PDE3B: variants seen among roughly 807,000 people sequenced by gnomAD.
The protein encoded by PDE3B is phosphodiesterase 3B, also known as cGMP-inhibited 3',5'-cyclic phosphodiesterase 3B.
Under a neutral mutation model 116.8 loss-of-function variants are expected in PDE3B, and 66 were observed. The observed-to-expected ratio is 0.56, with a 90% CI of 0.46 to 0.69. The LOEUF (loss-of-function observed/expected upper bound fraction) is 0.69. Among genes scored for constraint, PDE3B ranks in the 30% least tolerant of loss-of-function variants. The probability of loss-of-function intolerance (pLI) is 0.00; values close to 1 mark genes in which losing one functional copy is unlikely to be tolerated. For synonymous variants in PDE3B, 595 were observed against 533.6 expected, an observed-to-expected ratio of 1.12 and a Z score of -1.59; for missense variants, 1,384 against 1,368.1, an observed-to-expected ratio of 1.01 and a Z score of -0.18.
At chr11:14,782,422 A>G (rs1310722350) in intron 2 of PDE3B, among the ~76,000 whole-genome samples, 1 of 152,178 alleles carries the variant, frequency 6.6e-6, no homozygotes, top group Non-Finnish European at 1.5e-5. Context: ...ATATAGACCA[A>G]TGGAACAGAA....
intron 12 of PDE3B, among the ~76,000 whole-genome samples, chr11:14,855,779 A>G (rs1017452414): frequency 1.3e-5 from 2 of 152,214 alleles, no homozygotes; most frequent in Non-Finnish European, 2.9e-5. Flanking sequence ...AAGTGCTGGC[A>G]TAAGAGTATT....
chr11:14,670,063 T>G (rs1854319004), intron 1 of PDE3B, among the ~76,000 whole-genome samples: 4 of 152,166 alleles, frequency 2.6e-5, no homozygotes, highest in Admixed American at 2.6e-4. Context: ...GTTTTGTGCC[T>G]TAGCATAGTT....
At chr11:14,678,284 A>T (rs1304240764) in intron 1 of PDE3B, among the ~76,000 whole-genome samples, 2 of 152,068 alleles carry the variant, frequency 1.3e-5, no homozygotes, top group Admixed American at 6.6e-5. Context: ...GTTGATTAGG[A>T]ATAGAACTGC....
At chr11:14,826,499 A>G (rs989926482) in intron 7 of PDE3B, among the ~76,000 whole-genome samples, 5 of 152,170 alleles carry the variant, frequency 3.3e-5, no homozygotes, top group African/African-American at 1.2e-4. Flanking sequence ...CTCTTTACAC[A>G]CAAACTAGAA....
chr11:14,644,034 A>T lies in PDE3B; in HGVS notation c.-42A>T, dbSNP rs1174987638. On this transcript the variant is annotated 5_prime_UTR_variant, in exon 1 of 16. Transcript: ENST00000282096. The stretch of plus-strand genomic sequence containing the variant: ...GAGCGCGAGCGGCCGCTACGGTACG[A>T]GCGGGGTGTGCTGAGTCCCGTGGCC... 1 of 1,418,164 alleles carries T rather than the reference A, an allele frequency of 7.1e-7. No individual in the cohort carries two copies. Among genetic ancestry groups the T allele is most frequent in the Admixed American group, 3.2e-5 (1 of 30,970 alleles). The allele number at this position is 1,418,164 out of a possible 1,614,324, so 87.8% of individuals were successfully genotyped here.
At chr11:14,848,825 C>G (rs1009831854) in intron 12 of PDE3B, among the ~76,000 whole-genome samples, 5 of 152,076 alleles carry the variant, frequency 3.3e-5, no homozygotes, top group African/African-American at 1.2e-4. Context: ...AACCACTGCT[C>G]AATGAAATAA....
At chr11:14,685,630 A>G (rs1200519835) in intron 1 of PDE3B, among the ~76,000 whole-genome samples, 2 of 151,160 alleles carry the variant, frequency 1.3e-5, no homozygotes, top group African/African-American at 4.9e-5. Flanking sequence ...TAATTTTTGT[A>G]TTTTTAGTAG....
chr11:14,667,435 A>G (rs1368744948), intron 1 of PDE3B, among the ~76,000 whole-genome samples: 4 of 151,276 alleles, frequency 2.6e-5, no homozygotes, highest in Admixed American at 6.6e-5. Flanking sequence ...AAAGTATAAT[A>G]ATAATAATAA....
chr11:14,688,517 T>A (rs558561541), intron 1 of PDE3B, among the ~76,000 whole-genome samples: 54 of 152,348 alleles, frequency 3.5e-4, no homozygotes, highest in African/African-American at 1.3e-3. Flanking sequence ...GTGTGTGTAC[T>A]CTGTATTGTC....
chr11:14,891,854 G>C, the PDE3B span: 1 of 1,410,780 alleles, frequency 7.1e-7, no homozygotes, highest in Non-Finnish European at 9.4e-7. Flanking sequence ...TCCCTCAAAG[G>C]GCAGCCGGCA....
In PDE3B at chr11:14,838,046, T is replaced by C. The variant is rs190863979; in HGVS notation, c.2320+2951T>C. Among the ~76,000 whole-genome samples, 171 of 152,154 alleles carry C rather than the reference T, an allele frequency of 1.1e-3. 3 individuals are homozygous for C. The East Asian group carries it at 0.03, about 27-fold the overall frequency. On this transcript the variant is annotated intron_variant, in intron 11 of 15. Transcript: ENST00000282096. Reference sequence around the variant, plus strand: ...CAGGCTGGAGTGCAGTGGCGCGATCTCGGCTCAGTGCAAGCGCCGCCTCCT... The same window carrying C: ...CAGGCTGGAGTGCAGTGGCGCGATCCCGGCTCAGTGCAAGCGCCGCCTCCT...
At chr11:14,846,226 A>ATCCAG (rs1847598397) in intron 12 of PDE3B, among the ~76,000 whole-genome samples, 2 of 152,184 alleles carry the variant, frequency 1.3e-5, no homozygotes, top group African/African-American at 4.8e-5. Flanking sequence ...AGAATTTCAT[A>ATCCAG]TCCAGCCAAA....
chr11:14,658,174 C>A (rs1357600760), intron 1 of PDE3B, among the ~76,000 whole-genome samples: 1 of 152,110 alleles, frequency 6.6e-6, no homozygotes, highest in East Asian at 1.9e-4. Context: ...AAGTCACTAT[C>A]CTCCTTCTAG....
chr11:14,758,834 C>T (rs1442869270), intron 1 of PDE3B, among the ~76,000 whole-genome samples: 3 of 151,686 alleles, frequency 2.0e-5, no homozygotes, highest in Non-Finnish European at 4.4e-5. Context: ...GAGGGCATCC[C>T]TGTCTTGTGC....
intron 5 of PDE3B, among the ~76,000 whole-genome samples, chr11:14,807,247 AAAGTAT>A (rs1488515028): frequency 6.6e-6 from 1 of 152,206 alleles, no homozygotes; most frequent in East Asian, 1.9e-4. Context: ...CCTAGAACTT[AAAGTAT>A]AATAATAATA....
At chr11:14,762,156 T>C (rs1192582975) in intron 1 of PDE3B, among the ~76,000 whole-genome samples, 1 of 141,566 alleles carries the variant, frequency 7.1e-6, no homozygotes, top group Admixed American at 6.9e-5. Context: ...ATTTTATACT[T>C]TTTTTTTTTT....
chr11:14,751,259 C>T lies in PDE3B; in HGVS notation c.979-20678C>T, dbSNP rs575200588. Among the ~76,000 whole-genome samples the T allele has an allele frequency of 1.2e-4, 18 of 152,174 alleles. No individual in the cohort carries two copies. The South Asian group carries it at 2.1e-3, about 18-fold the overall frequency. ...GAAGTTAGAATTTTGTAGTGTTGCA[C>T]TTGCTAAGTCTTTCCAGGTTGACCT... On this transcript the variant is annotated intron_variant, in intron 1 of 15. Transcript: ENST00000282096.
At chr11:14,852,733 T>G (rs1847777796) in intron 12 of PDE3B, among the ~76,000 whole-genome samples, 1 of 152,104 alleles carries the variant, frequency 6.6e-6, no homozygotes. Flanking sequence ...TCAGCCAGAA[T>G]GTGACCCTGT....
chr11:14,884,331 C>T, the PDE3B span, among the ~76,000 whole-genome samples: 2 of 151,958 alleles, frequency 1.3e-5, no homozygotes, highest in African/African-American at 2.4e-5. Context: ...CACATATACA[C>T]CATGGAATAC....
Sources: allele counts gnomAD v4.1 joint callset (sites outside exome capture counted in the v4.1 genomes callset), GRCh38; gene constraint gnomAD v4.1.1; transcripts MANE v1.5; gene names NCBI Gene and HGNC (gene_info 2026-07-23, HGNC 2026-07-21).